The following MACROD2 variants were observed in gnomAD, a reference collection of about 807,000 sequenced individuals.
MACROD2 encodes the protein mono-ADP ribosylhydrolase 2.
A neutral mutation model predicts 70.4 loss-of-function variants in MACROD2; 36 were observed. The ratio of observed to expected loss-of-function variants is 0.51; its 90% confidence interval spans 0.39 to 0.68. The LOEUF is 0.68. Among genes scored for constraint, MACROD2 ranks in the 30% least tolerant of loss-of-function variants. The pLI, the probability that MACROD2 is intolerant of heterozygous loss-of-function variation, is 0.00. For missense variants in MACROD2, 496 were observed against 538.4 expected (o/e 0.92, Z 0.78); for synonymous variants, 172 against 178.8 (o/e 0.96, Z 0.30).
At chr20:15,525,965 T>A (rs1161551283) in intron 8 of MACROD2, among the ~76,000 whole-genome samples, 2 of 152,222 alleles carry the variant, frequency 1.3e-5, no homozygotes, top group Non-Finnish European at 2.9e-5. Flanking sequence ...AAATTAATAT[T>A]GATGGTTAGA....
At chr20:14,505,336 A>G (rs2084957004) in intron 4 of MACROD2, among the ~76,000 whole-genome samples, 1 of 152,236 alleles carries the variant, frequency 6.6e-6, no homozygotes, top group Non-Finnish European at 1.5e-5. Context: ...TATCTGGATA[A>G]TATTTAGATT....
At chr20:14,420,764 C>T (rs1196855755) in intron 3 of MACROD2, among the ~76,000 whole-genome samples, 1 of 152,280 alleles carries the variant, frequency 6.6e-6, no homozygotes, top group East Asian at 1.9e-4. Context: ...GTGATCACAG[C>T]TCACTGAAGC....
At chr20:15,944,947 A>C (rs2065800705) in intron 12 of MACROD2, among the ~76,000 whole-genome samples, 1 of 152,086 alleles carries the variant, frequency 6.6e-6, no homozygotes. Flanking sequence ...TGTACTCCTC[A>C]CCATTCAATC....
At chr20:15,830,372 A>G (rs1317672893) in intron 8 of MACROD2, among the ~76,000 whole-genome samples, 2 of 152,244 alleles carry the variant, frequency 1.3e-5, no homozygotes, top group African/African-American at 2.4e-5. Flanking sequence ...CCGATCTTCC[A>G]TAAAGCTTTC....
intron 6 of MACROD2, among the ~76,000 whole-genome samples, chr20:15,331,646 A>G (rs1012359395): frequency 6.6e-6 from 1 of 151,760 alleles, no homozygotes; most frequent in African/African-American, 2.4e-5. Context: ...AAATAGTATC[A>G]AATGGGACCA....
chr20:14,155,028 C>T (rs2148713589), intron 3 of MACROD2, among the ~76,000 whole-genome samples: 2 of 152,230 alleles, frequency 1.3e-5, no homozygotes, highest in Admixed American at 1.3e-4. Context: ...TTGGGGAGGC[C>T]TCTTGGATGT....
intron 7 of MACROD2, among the ~76,000 whole-genome samples, chr20:15,466,022 T>C (rs1313477219): frequency 6.6e-6 from 1 of 152,154 alleles, no homozygotes; most frequent in African/African-American, 2.4e-5. Context: ...AGTGACATAT[T>C]TTGTTAAATT....
intron 4 of MACROD2, among the ~76,000 whole-genome samples, chr20:14,581,710 C>G (rs1011972504): frequency 6.6e-6 from 1 of 152,192 alleles, no homozygotes; most frequent in African/African-American, 2.4e-5. Flanking sequence ...ATTTCACATT[C>G]TCCCAGCCGA....
intron 5 of MACROD2, among the ~76,000 whole-genome samples, chr20:15,183,293 G>C (rs1481279902): frequency 6.6e-6 from 1 of 152,010 alleles, no homozygotes; most frequent in Non-Finnish European, 1.5e-5. Flanking sequence ...CTAGAACTTT[G>C]GGAGGCTGAC....
intron 3 of MACROD2, among the ~76,000 whole-genome samples, chr20:14,248,574 C>G (rs561190985): frequency 1.3e-5 from 2 of 152,076 alleles, no homozygotes; most frequent in East Asian, 3.9e-4. Flanking sequence ...CAGAGCGAGA[C>G]TCTGTCTCAA....
In MACROD2 at chr20:14,931,510, T is replaced by C. The variant is rs2074295632; in HGVS notation, c.418+246551T>C. Among the ~76,000 whole-genome samples the C allele has an allele frequency of 2.6e-5, 4 of 152,262 alleles. No individual in the cohort carries two copies. In the South Asian group the frequency reaches 8.3e-4, roughly 32 times the overall value. ...TTCTTCTCAGGGTATGCTTGAGTTA[T>C]TGCTGTTAGGTGCATCTGCCATACA... On this transcript the variant is annotated intron_variant, in intron 5 of 17. Transcript: ENST00000684519.
chr20:14,774,262 A>G (rs1320982223), intron 5 of MACROD2, among the ~76,000 whole-genome samples: 1 of 152,058 alleles, frequency 6.6e-6, no homozygotes, highest in Non-Finnish European at 1.5e-5. Flanking sequence ...ATACTTGTCA[A>G]TAAATGATTT....
At chr20:15,281,782 G>A (rs2077447037) in intron 6 of MACROD2, among the ~76,000 whole-genome samples, 1 of 152,180 alleles carries the variant, frequency 6.6e-6, no homozygotes, top group South Asian at 2.1e-4. Flanking sequence ...GAGAATGGTG[G>A]TCCTCTTCTC....
intron 3 of MACROD2, among the ~76,000 whole-genome samples, chr20:14,100,775 A>G (rs1006686208): frequency 1.4e-5 from 2 of 139,882 alleles, no homozygotes; most frequent in African/African-American, 5.3e-5. Context: ...AATCTATAAT[A>G]TATATTACAT....
At chr20:15,967,951 T>G (rs1011812826) in intron 13 of MACROD2, among the ~76,000 whole-genome samples, 3 of 152,154 alleles carry the variant, frequency 2.0e-5, no homozygotes, top group Non-Finnish European at 1.5e-5. Context: ...ATATTTTCAT[T>G]GAAAAACATG....
chr20:14,862,578 T>TAA (rs2073370903), intron 5 of MACROD2, among the ~76,000 whole-genome samples: 1 of 40,002 alleles, frequency 2.5e-5, no homozygotes, highest in Non-Finnish European at 4.6e-5. Context: ...TATATAAATA[T>TAA]ATATGTATAA....
intron 3 of MACROD2, among the ~76,000 whole-genome samples, chr20:14,212,382 A>G (rs1360527847): frequency 6.6e-6 from 1 of 152,186 alleles, no homozygotes; most frequent in East Asian, 1.9e-4. Context: ...AAAAAGCAGC[A>G]GCAAGATTAG....
chr20:14,711,382 G>C (rs887203685), intron 5 of MACROD2, among the ~76,000 whole-genome samples: 1 of 152,178 alleles, frequency 6.6e-6, no homozygotes, highest in Non-Finnish European at 1.5e-5. Flanking sequence ...AGTTAGAAAA[G>C]CCCAAGCTAA....
At chr20:15,969,333 A>G (rs2066194668) in intron 13 of MACROD2, among the ~76,000 whole-genome samples, 1 of 152,168 alleles carries the variant, frequency 6.6e-6, no homozygotes, top group African/African-American at 2.4e-5. Context: ...CCAAAAAATG[A>G]GGGAAAAAAG....
Sources: gnomAD v4.1 joint callset for allele counts (sites outside exome capture counted in the v4.1 genomes callset) on GRCh38, gnomAD v4.1.1 for gene constraint, MANE v1.5 for transcripts, NCBI Gene and HGNC (gene_info 2026-07-23, HGNC 2026-07-21) for gene names.